The following SV2C variants were observed in gnomAD, a reference collection of about 807,000 sequenced individuals.
SV2C encodes synaptic vesicle glycoprotein 2C.
In SV2C, 49 loss-of-function variants were observed where a neutral mutation model predicts 79.7. The observed-to-expected ratio is 0.61, with a 90% CI of 0.49 to 0.78. The LOEUF is 0.78. Ranked by LOEUF, SV2C falls within the 30% of genes least tolerant of loss-of-function variation. The pLI, the probability that SV2C is intolerant of heterozygous loss-of-function variation, is 0.00. For missense variants in SV2C, 833 were observed against 912.9 expected (o/e 0.91, Z 1.13); for synonymous variants, 334 against 333.2 (o/e 1.00, Z -0.03).
At chr5:75,971,838 A>G in the SV2C span, among the ~76,000 whole-genome samples, 20 of 152,218 alleles carry the variant, frequency 1.3e-4, 1 homozygote, top group African/African-American at 4.6e-4. Context: ...GAAAGTTCAT[A>G]TGGAACCAAA....
the SV2C span, among the ~76,000 whole-genome samples, chr5:76,072,398 T>C: frequency 6.6e-6 from 1 of 152,210 alleles, no homozygotes; most frequent in Non-Finnish European, 1.5e-5. Flanking sequence ...GCTGTTGTAC[T>C]ACAGGAAATG....
the SV2C span, among the ~76,000 whole-genome samples, chr5:75,993,076 G>C: frequency 2.0e-5 from 3 of 152,120 alleles, no homozygotes; most frequent in Non-Finnish European, 4.4e-5. Flanking sequence ...TATACAACAA[G>C]AAGAAGGCAA....
At chr5:76,199,065 CA>C (rs1744354036) in intron 3 of SV2C, among the ~76,000 whole-genome samples, 1 of 152,190 alleles carries the variant, frequency 6.6e-6, no homozygotes, top group Non-Finnish European at 1.5e-5. Flanking sequence ...CTCTTGTTTT[CA>C]AAGGCATATC....
At chr5:76,187,996 T>C (rs1444846350) in intron 2 of SV2C, among the ~76,000 whole-genome samples, 1 of 152,210 alleles carries the variant, frequency 6.6e-6, no homozygotes, top group East Asian at 1.9e-4. Flanking sequence ...CAGTGACTCA[T>C]GCCTGTAATC....
At chr5:76,242,072 G>A in intron 4 of SV2C, 1 of 1,447,996 alleles carries the variant, frequency 6.9e-7, no homozygotes, top group East Asian at 2.3e-5. Context: ...GGTCTGTTTT[G>A]GCATCTCCAT....
the SV2C span, among the ~76,000 whole-genome samples, chr5:76,031,452 A>G: frequency 6.6e-6 from 1 of 152,110 alleles, no homozygotes; most frequent in African/African-American, 2.4e-5. Flanking sequence ...TGCTGCTGTT[A>G]CCTTGATCCA....
At chr5:75,930,935 A>AC in the SV2C span, among the ~76,000 whole-genome samples, 1 of 152,126 alleles carries the variant, frequency 6.6e-6, no homozygotes, top group African/African-American at 2.4e-5. Context: ...GGAGTTCAAG[A>AC]CCAGCCTGGC....
intron 3 of SV2C, among the ~76,000 whole-genome samples, chr5:76,202,397 A>G (rs1424944950): frequency 6.6e-6 from 1 of 152,172 alleles, no homozygotes; most frequent in Non-Finnish European, 1.5e-5. Context: ...TTAAGTTCCT[A>G]TCTGAGGTCA....
chr5:76,191,835 T>C (rs1321857785), intron 2 of SV2C, among the ~76,000 whole-genome samples: 2 of 152,214 alleles, frequency 1.3e-5, no homozygotes, highest in African/African-American at 4.8e-5. Flanking sequence ...AGGTTCAACC[T>C]CCTGAAATCC....
chr5:76,205,884 G>A (rs1426410487), intron 3 of SV2C, among the ~76,000 whole-genome samples: 2 of 152,134 alleles, frequency 1.3e-5, no homozygotes, highest in African/African-American at 4.8e-5. Context: ...CCCTCTAGAT[G>A]TCAGCAGCAG....
chr5:75,942,313 A>C, the SV2C span, among the ~76,000 whole-genome samples: 1 of 152,218 alleles, frequency 6.6e-6, no homozygotes, highest in Non-Finnish European at 1.5e-5. Flanking sequence ...GCTCCTCTAG[A>C]AAATTAATTG....
intron 12 of SV2C, among the ~76,000 whole-genome samples, chr5:76,310,159 T>C (rs969785976): frequency 1.3e-5 from 2 of 152,228 alleles, no homozygotes; most frequent in African/African-American, 4.8e-5. Context: ...ATAGAGCTTA[T>C]ATTCTATAAT....
chr5:76,283,686 A>G (rs1171507691), intron 4 of SV2C, among the ~76,000 whole-genome samples: 3 of 152,246 alleles, frequency 2.0e-5, no homozygotes, highest in Non-Finnish European at 2.9e-5. Flanking sequence ...TTAATATGGT[A>G]ATATACACTA....
rs1482909870 is a variant in SV2C at position 76,295,778 on chromosome 5, G to A, written c.1338G>A (p.Gly446=). ...LTIVWFTLSF[G]YYGLSVWFPD... Reference sequence around the variant, plus strand: ...AACTCACATTTCTTTGTCTTTGCAGGTACTATGGATTATCCGTTTGGTTCC... The same window carrying A: ...AACTCACATTTCTTTGTCTTTGCAGATACTATGGATTATCCGTTTGGTTCC... Residue 446 remains glycine, a splice_region_variant and synonymous_variant, in exon 9 of 13, where the codon GGG becomes GGA. Coordinates refer to ENST00000502798, the MANE Select transcript of SV2C (RefSeq NM_014979.4). 1 of 1,606,532 alleles carries A rather than the reference G, an allele frequency of 6.2e-7. No individual in the cohort carries two copies. The highest frequency in any genetic ancestry group is 8.5e-7 in the Non-Finnish European group (1 of 1,177,974).
chr5:75,877,078 G>A, the SV2C span, among the ~76,000 whole-genome samples: 1 of 151,944 alleles, frequency 6.6e-6, no homozygotes, highest in Non-Finnish European at 1.5e-5. Context: ...AGATACAATA[G>A]ATTGAAAGCA....
chr5:76,205,982 C>T (rs1164514526), intron 3 of SV2C, among the ~76,000 whole-genome samples: 2 of 152,112 alleles, frequency 1.3e-5, no homozygotes, highest in Non-Finnish European at 1.5e-5. Context: ...CTATTTAAGA[C>T]CTACTGATAC....
chr5:76,057,883 T>C, the SV2C span, among the ~76,000 whole-genome samples: 1 of 152,156 alleles, frequency 6.6e-6, no homozygotes, highest in African/African-American at 2.4e-5. Context: ...TATTTTTCCT[T>C]GAAACAGCGT....
chr5:76,000,981 G>A, the SV2C span, among the ~76,000 whole-genome samples: 1 of 149,780 alleles, frequency 6.7e-6, no homozygotes, highest in Non-Finnish European at 1.5e-5. Context: ...AGATGATGTT[G>A]TAATTTAGTA....
At chr5:76,235,176 A>G (rs1579971513) in intron 4 of SV2C, among the ~76,000 whole-genome samples, 1 of 81,190 alleles carries the variant, frequency 1.2e-5, no homozygotes, top group African/African-American at 6.8e-5. Flanking sequence ...CATGGAGAAA[A>G]GGGCAAAAAA....
Sources: gnomAD v4.1 joint callset for allele counts (sites outside exome capture counted in the v4.1 genomes callset) on GRCh38, gnomAD v4.1.1 for gene constraint, MANE v1.5 for transcripts, NCBI Gene and HGNC (gene_info 2026-07-23, HGNC 2026-07-21) for gene names.